OLFM3: variants seen among roughly 807,000 people sequenced by gnomAD.
OLFM3 encodes noelin-3.
In OLFM3, 20 loss-of-function variants were observed where a neutral mutation model predicts 48.6. The observed-to-expected ratio is 0.41, with a 90% CI of 0.29 to 0.60. The LOEUF is 0.60. Ranked by LOEUF, OLFM3 falls within the 20% of genes least tolerant of loss-of-function variation. The probability of loss-of-function intolerance (pLI) is 0.28; values close to 1 mark genes in which losing one functional copy is unlikely to be tolerated. For missense variants in OLFM3, 437 were observed against 544.3 expected, an observed-to-expected ratio of 0.80 and a Z score of 1.96; for synonymous variants, 222 against 198.1, an observed-to-expected ratio of 1.12 and a Z score of -1.01.
At chr1:101,868,906 A>G (rs1322850485) in intron 1 of OLFM3, among the ~76,000 whole-genome samples, 1 of 152,186 alleles carries the variant, frequency 6.6e-6, no homozygotes, top group East Asian at 1.9e-4. Flanking sequence ...GGTGGTTTAC[A>G]TGTGGTATTG....
At chr1:101,866,495 ATAAAAGCG>A (rs1294587844) in intron 1 of OLFM3, among the ~76,000 whole-genome samples, 1 of 152,070 alleles carries the variant, frequency 6.6e-6, no homozygotes. Flanking sequence ...TGCTTGCTTC[ATAAAAGCG>A]TAAGTAGTTT....
At chr1:101,905,965 T>C (rs1658537155) in intron 1 of OLFM3, among the ~76,000 whole-genome samples, 1 of 152,180 alleles carries the variant, frequency 6.6e-6, no homozygotes, top group Admixed American at 6.5e-5. Flanking sequence ...GTTAAATCAC[T>C]AGCAATCAGT....
intron 1 of OLFM3, among the ~76,000 whole-genome samples, chr1:101,917,607 G>A (rs1658968648): frequency 6.6e-6 from 1 of 152,048 alleles, no homozygotes; most frequent in South Asian, 2.1e-4. Flanking sequence ...AGTAGAGACA[G>A]GGTTTCACCA....
At chr1:101,835,255 C>T (rs1655345624) in intron 2 of OLFM3, among the ~76,000 whole-genome samples, 1 of 152,064 alleles carries the variant, frequency 6.6e-6, no homozygotes, top group South Asian at 2.1e-4. Context: ...TAAATAATTT[C>T]CCTGGTAAAC....
chr1:101,955,145 A>G (rs1000610975), intron 1 of OLFM3, among the ~76,000 whole-genome samples: 6 of 152,020 alleles, frequency 3.9e-5, no homozygotes, highest in Non-Finnish European at 8.8e-5. Flanking sequence ...TTTTTCTACT[A>G]TGGTACCTAT....
At chr1:101,940,919 T>G (rs1357493482) in intron 1 of OLFM3, among the ~76,000 whole-genome samples, 1 of 152,138 alleles carries the variant, frequency 6.6e-6, no homozygotes. Flanking sequence ...AAGTGATATT[T>G]GAGGTTACAA....
At chr1:101,805,067 G>A in intron 5 of OLFM3, 152 bp from the exon 6 acceptor site, 4 of 628,306 alleles carry the variant, frequency 6.4e-6, no homozygotes, top group Non-Finnish European at 1.1e-5. Flanking sequence ...TGTATTTCAG[G>A]CTTTTGTAAA....
intron 1 of OLFM3, among the ~76,000 whole-genome samples, chr1:101,920,259 T>C (rs1008189548): frequency 4.6e-5 from 7 of 152,180 alleles, no homozygotes; most frequent in Non-Finnish European, 8.8e-5. Context: ...CCTGACTCAG[T>C]CTGAGTAAAA....
At chr1:101,980,421 T>A (rs576421193) in intron 1 of OLFM3, among the ~76,000 whole-genome samples, 5 of 152,200 alleles carry the variant, frequency 3.3e-5, no homozygotes, top group African/African-American at 1.2e-4. Context: ...GGGGGTGGTG[T>A]CCTCCATGGT....
At chr1:101,962,227 A>G (rs1051593886) in intron 1 of OLFM3, among the ~76,000 whole-genome samples, 2 of 152,156 alleles carry the variant, frequency 1.3e-5, no homozygotes, top group Non-Finnish European at 1.5e-5. Flanking sequence ...CTGCAATTCA[A>G]TGCAATAAAC....
At chr1:101,862,850 A>G (rs550359564) in intron 1 of OLFM3, among the ~76,000 whole-genome samples, 1 of 152,350 alleles carries the variant, frequency 6.6e-6, no homozygotes, top group South Asian at 2.1e-4. Context: ...TCAGAAGTAA[A>G]AGTTTAGAAC....
At chr1:101,991,800 T>C (rs999317737) in intron 1 of OLFM3, among the ~76,000 whole-genome samples, 9 of 150,506 alleles carry the variant, frequency 6.0e-5, no homozygotes, top group African/African-American at 2.2e-4. Flanking sequence ...ATTGTGTATA[T>C]GAATACAGGG....
intron 1 of OLFM3, among the ~76,000 whole-genome samples, chr1:101,990,711 C>A (rs980320882): frequency 1.3e-5 from 2 of 151,760 alleles, no homozygotes; most frequent in African/African-American, 2.4e-5. Context: ...GGTGGCCGGG[C>A]GCGGTGGCTC....
chr1:101,937,260 G>A (rs746887167), intron 1 of OLFM3, among the ~76,000 whole-genome samples: 2 of 152,068 alleles, frequency 1.3e-5, no homozygotes, highest in African/African-American at 2.4e-5. Flanking sequence ...ATTTCTTACC[G>A]GTCTGCTCCT....
In OLFM3 at chr1:101,910,414, C is replaced by G. The variant is rs560273907; in HGVS notation, c.70-73389G>C. Among the ~76,000 whole-genome samples the G allele has an allele frequency of 1.5e-4, 22 of 150,582 alleles. No homozygotes were observed. The South Asian group carries it at 2.3e-3, about 16-fold the overall frequency. On this transcript the variant is annotated intron_variant, in intron 1 of 5. Transcript: ENST00000370103. ...CCGGGAGGCGGAGCTTGCAGTGAGC[C>G]GAGATCACGCCACTGCACTCCAGCC...
chr1:101,840,473 A>T (rs1655663752), intron 1 of OLFM3, among the ~76,000 whole-genome samples: 1 of 143,396 alleles, frequency 7.0e-6, no homozygotes, highest in African/African-American at 2.6e-5. Context: ...TATTTCAGAG[A>T]TTTTTTTTTT....
intron 1 of OLFM3, among the ~76,000 whole-genome samples, chr1:101,854,113 A>G (rs1656327911): frequency 6.6e-6 from 1 of 152,030 alleles, no homozygotes; most frequent in Non-Finnish European, 1.5e-5. Flanking sequence ...ATCAAGTATC[A>G]TGTTGTACAC....
Position 101,802,835 on chromosome 1 carries a change from A to G in OLFM3, c.*1403T>C, listed in dbSNP as rs1208277802. On this transcript the variant is annotated 3_prime_UTR_variant, in exon 6 of 6. Transcript: ENST00000370103. ...GTAAAACCAACCTATATTAGTTTCC[A>G]TAAAGCTGCCTTAGGGAACTATTTT... 1.3e-5 allele frequency: 2 copies of G among 151,668 alleles called. No homozygotes were observed. Among genetic ancestry groups the G allele is most frequent in the Admixed American group, 6.6e-5 (1 of 15,190 alleles). 9.4% of individuals were successfully genotyped at this position (151,668 alleles called of 1,614,324 possible).
At chr1:101,866,658 C>T (rs554766740) in intron 1 of OLFM3, among the ~76,000 whole-genome samples, 1 of 152,016 alleles carries the variant, frequency 6.6e-6, no homozygotes, top group Non-Finnish European at 1.5e-5. Context: ...CTTAAATAAG[C>T]ATTCATCTGC....
Sources: gnomAD v4.1 joint callset for allele counts (sites outside exome capture counted in the v4.1 genomes callset) on GRCh38, gnomAD v4.1.1 for gene constraint, MANE v1.5 for transcripts, NCBI Gene and HGNC (gene_info 2026-07-23, HGNC 2026-07-21) for gene names.